The following EFCAB13 variants were observed in gnomAD, a reference collection of about 807,000 sequenced individuals.
EFCAB13 encodes the protein EF-hand calcium-binding domain-containing protein 13.
Under a neutral mutation model 110.2 loss-of-function variants are expected in EFCAB13, and 91 were observed. The ratio of observed to expected loss-of-function variants is 0.83; its 90% CI spans 0.70 to 0.98. EFCAB13 has a LOEUF of 0.98. Among genes scored for constraint, EFCAB13 ranks in the 50% least tolerant of loss-of-function variants. EFCAB13 has a pLI of 0.00. For missense variants in EFCAB13, 968 were observed against 1,119.4 expected (o/e 0.86, Z 1.93); for synonymous variants, 323 against 369.9 (o/e 0.87, Z 1.45).
At chr17:47,394,130 T>C in intron 16 of EFCAB13, 31 bp downstream of exon 16, 1 of 1,380,488 alleles carries the variant, frequency 7.2e-7, no homozygotes, top group Non-Finnish European at 9.8e-7. Context: ...TTCTGCTTTT[T>C]GTGGACCAAA....
chr17:47,390,414 A>G (rs1295277515), intron 14 of EFCAB13, among the ~76,000 whole-genome samples: 3 of 151,772 alleles, frequency 2.0e-5, no homozygotes, highest in Admixed American at 2.0e-4. Flanking sequence ...CTCTACTTTG[A>G]AGTTTTCTGA....
intron 14 of EFCAB13, among the ~76,000 whole-genome samples, chr17:47,386,275 A>G (rs1467507854): frequency 6.6e-6 from 1 of 152,164 alleles, no homozygotes; most frequent in African/African-American, 2.4e-5. Context: ...ACGCTGGTCC[A>G]GTGAGATGGG....
At chr17:47,373,163 G>C (rs1166233179) in intron 11 of EFCAB13, among the ~76,000 whole-genome samples, 1 of 151,860 alleles carries the variant, frequency 6.6e-6, no homozygotes, top group Non-Finnish European at 1.5e-5. Flanking sequence ...CTTGTTGTCA[G>C]GTTCACAGAT....
intron 23 of EFCAB13, among the ~76,000 whole-genome samples, chr17:47,420,886 C>T (rs1264529760): frequency 1.7e-4 from 21 of 124,122 alleles, no homozygotes; most frequent in Non-Finnish European, 3.2e-4. Flanking sequence ...CCCGCCCGGC[C>T]AGCCGCCCCG....
At chr17:47,397,161 G>A (rs1416110495) in intron 17 of EFCAB13, among the ~76,000 whole-genome samples, 6 of 152,084 alleles carry the variant, frequency 3.9e-5, no homozygotes, top group South Asian at 4.2e-4. Flanking sequence ...GCAGGCGCGC[G>A]CCGCCACGCC....
intron 9 of EFCAB13, among the ~76,000 whole-genome samples, chr17:47,356,141 G>A (rs183277199): frequency 1.3e-5 from 2 of 151,226 alleles, no homozygotes; most frequent in East Asian, 3.9e-4. Context: ...TTTCTCTGGT[G>A]CCTCCTTGAT....
intron 22 of EFCAB13, 54 bp downstream of exon 22, chr17:47,412,970 ATAGTCT>A: frequency 6.4e-7 from 1 of 1,574,534 alleles, no homozygotes; most frequent in South Asian, 1.2e-5. Flanking sequence ...CTTATGAAAA[ATAGTCT>A]TAGAGTGTAC....
chr17:47,400,195 T>A (rs563426089), intron 17 of EFCAB13, among the ~76,000 whole-genome samples: 1 of 152,346 alleles, frequency 6.6e-6, no homozygotes, highest in Admixed American at 6.5e-5. Flanking sequence ...GACTCTGAAC[T>A]TATCTTCATG....
At chr17:47,343,907 G>T (rs78790360) in intron 6 of EFCAB13, among the ~76,000 whole-genome samples, 6,181 of 151,992 alleles carry the variant, frequency 0.041, 289 homozygotes, top group East Asian at 0.24. Context: ...TTACTATATA[G>T]TTACCAAGTA....
At chr17:47,439,000 T>C (rs1460987341) in intron 24 of EFCAB13, among the ~76,000 whole-genome samples, 1 of 152,016 alleles carries the variant, frequency 6.6e-6, no homozygotes, top group Non-Finnish European at 1.5e-5. Flanking sequence ...CCCCAGAGGT[T>C]AAGGCTTTCA....
At chr17:47,433,333 T>C (rs191698564) in intron 24 of EFCAB13, among the ~76,000 whole-genome samples, 12 of 152,298 alleles carry the variant, frequency 7.9e-5, no homozygotes, top group Non-Finnish European at 1.6e-4. Context: ...TCACTTGAAG[T>C]GGTGTCTGCC....
At chr17:47,425,623 C>T (rs1460490759) in intron 23 of EFCAB13, among the ~76,000 whole-genome samples, 6 of 152,118 alleles carry the variant, frequency 3.9e-5, no homozygotes, top group Admixed American at 3.9e-4. Context: ...GAACCTTTTT[C>T]GTGGCCTGGG....
intron 24 of EFCAB13, among the ~76,000 whole-genome samples, chr17:47,434,898 T>A (rs551297687): frequency 6.6e-6 from 1 of 152,226 alleles, no homozygotes; most frequent in South Asian, 2.1e-4. Flanking sequence ...TCAAGATGGA[T>A]CAAAGACTTA....
chr17:47,384,192 A>G (rs556187533), intron 14 of EFCAB13, among the ~76,000 whole-genome samples: 86 of 149,476 alleles, frequency 5.8e-4, no homozygotes, highest in Admixed American at 2.0e-3. Flanking sequence ...TGCTTGGTGA[A>G]TAGTTCCCCA....
At chr17:47,383,817 G>T (rs909338114) in intron 14 of EFCAB13, among the ~76,000 whole-genome samples, 4 of 152,024 alleles carry the variant, frequency 2.6e-5, no homozygotes, top group African/African-American at 9.7e-5. Context: ...TATATTGTTG[G>T]TTGGGGGTGG....
intron 9 of EFCAB13, among the ~76,000 whole-genome samples, chr17:47,349,685 C>G (rs1402164261): frequency 1.4e-5 from 2 of 140,554 alleles, no homozygotes; most frequent in Non-Finnish European, 3.1e-5. Flanking sequence ...TTTTTCACTT[C>G]TGTTTTGGAA....
intron 10 of EFCAB13, among the ~76,000 whole-genome samples, chr17:47,368,564 G>A (rs530011152): frequency 2.6e-4 from 40 of 152,204 alleles, no homozygotes; most frequent in Admixed American, 3.9e-4. Context: ...TTCAATGTGG[G>A]GAATATTGCC....
At chr17:47,347,764 T>C in intron 8 of EFCAB13, 44 bp from the exon 9 acceptor site, 23 of 1,321,990 alleles carry the variant, frequency 1.7e-5, no homozygotes, top group Non-Finnish European at 2.3e-5. Context: ...AGGATAATTA[T>C]TCTTTTTGAT....
intron 2 of EFCAB13, among the ~76,000 whole-genome samples, chr17:47,325,579 G>A (rs987975985): frequency 6.6e-6 from 1 of 151,966 alleles, no homozygotes; most frequent in African/African-American, 2.4e-5. Flanking sequence ...GCCTCCTGGG[G>A]CCTTCCCACT....
Sources: gnomAD v4.1 joint callset for allele counts (sites outside exome capture counted in the v4.1 genomes callset) on GRCh38, gnomAD v4.1.1 for gene constraint, MANE v1.5 for transcripts, NCBI Gene and HGNC (gene_info 2026-07-23, HGNC 2026-07-21) for gene names.